CDK5RAP2: variants seen among roughly 807,000 people sequenced by gnomAD.
The protein encoded by CDK5RAP2 is CDK5 regulatory subunit-associated protein 2.
In CDK5RAP2, 147 loss-of-function variants were observed where a neutral mutation model predicts 232.9. That is an observed-to-expected ratio of 0.63 (90% CI 0.55 to 0.72). The LOEUF (loss-of-function observed/expected upper bound fraction) is 0.72, where lower values mean the gene tolerates loss of function less well. CDK5RAP2 is among the 30% of genes least tolerant of loss of function. The pLI is 0.00. For missense variants in CDK5RAP2, 2,195 were observed against 2,231.5 expected (o/e 0.98, Z 0.33); for synonymous variants, 833 against 833.7 (o/e 1.00, Z 0.01).
chr9:120,468,475 G>A (rs1793806614), intron 17 of CDK5RAP2, among the ~76,000 whole-genome samples: 2 of 152,208 alleles, frequency 1.3e-5, no homozygotes, highest in Admixed American at 1.3e-4. Flanking sequence ...ACACCTATCT[G>A]GCAATGCCAG....
At chr9:120,392,941 C>T (rs2032126946) in intron 36 of CDK5RAP2, among the ~76,000 whole-genome samples, 1 of 152,206 alleles carries the variant, frequency 6.6e-6, no homozygotes, top group African/African-American at 2.4e-5. Context: ...CCCGCCGGTC[C>T]CTGCTGCTCG....
At chr9:120,413,247 A>ACTTC (rs112535830) in intron 28 of CDK5RAP2, among the ~76,000 whole-genome samples, 7 of 152,334 alleles carry the variant, frequency 4.6e-5, no homozygotes, top group African/African-American at 1.7e-4. Context: ...AGTGAGATCC[A>ACTTC]CTTCCGATGC....
chr9:120,576,572 C>T (rs1236271771), intron 1 of CDK5RAP2, among the ~76,000 whole-genome samples: 1 of 152,052 alleles, frequency 6.6e-6, no homozygotes, highest in Non-Finnish European at 1.5e-5. Flanking sequence ...CATGGTGGCA[C>T]GTGCCTGTAG....
intron 2 of CDK5RAP2, among the ~76,000 whole-genome samples, 159 bp from the exon 3 acceptor site, chr9:120,568,547 G>A (rs1371663603): frequency 6.6e-6 from 1 of 152,142 alleles, no homozygotes; most frequent in Non-Finnish European, 1.5e-5. Flanking sequence ...TTGCTCCAGG[G>A]AAAGCTCTAA....
intron 21 of CDK5RAP2, among the ~76,000 whole-genome samples, chr9:120,451,851 TTATA>T (rs1399705515): frequency 6.8e-6 from 1 of 147,762 alleles, no homozygotes; most frequent in African/African-American, 2.5e-5. Flanking sequence ...TTAAATGAGA[TTATA>T]TATATTATAT....
In CDK5RAP2 at chr9:120,530,021, C is replaced by T; in HGVS notation, c.782G>A (p.Gly261Glu). 1 of 1,614,038 alleles carries T rather than the reference C, an allele frequency of 6.2e-7. No individual in the cohort carries two copies. Among genetic ancestry groups the T allele is most frequent in the African/African-American group, 1.3e-5 (1 of 75,042 alleles). ...DENVSSGELRGLCAAPREEKE... is the reference protein window; with the variant it reads ...DENVSSGELRELCAAPREEKE... ...TTCTTCCCTTGGAGCAGCACAAAGT[C>T]CTCGGAGCTCTCCAGATGACACATT... Residue 261 changes from glycine to glutamate, a missense_variant, in exon 8 of 38, where the codon GGA (glycine) becomes GAA (glutamate). Physicochemically the swap from Gly to Glu is moderately conservative, Grantham distance 98 (BLOSUM62 -2). Coordinates refer to ENST00000349780, the MANE Select transcript of CDK5RAP2 (RefSeq NM_018249.6).
At chr9:120,559,488 C>CAAAAAAAAAAAAAA (rs558274119) in intron 3 of CDK5RAP2, among the ~76,000 whole-genome samples, 1 of 48,882 alleles carries the variant, frequency 2.0e-5, no homozygotes, top group Admixed American at 2.5e-4. Context: ...GACTCTGTCT[C>CAAAAAAAAAAAAAA]AAAAAAAAAA....
intron 12 of CDK5RAP2, among the ~76,000 whole-genome samples, chr9:120,518,165 C>CTGTGTGTGTGTGTGTG (rs56032707): frequency 1.1e-4 from 12 of 111,180 alleles, no homozygotes; most frequent in African/African-American, 2.0e-4. Flanking sequence ...GATAACAACT[C>CTGTGTGTGTGTGTGTG]TGTGTGTGTG....
intron 26 of CDK5RAP2, among the ~76,000 whole-genome samples, chr9:120,421,900 T>C (rs368148112): frequency 7.7e-4 from 118 of 152,324 alleles, no homozygotes; most frequent in Middle Eastern, 3.4e-3. Flanking sequence ...TAATGGCAAA[T>C]ATGCAACTCT....
chr9:120,560,538 A>C (rs1335157491), intron 3 of CDK5RAP2, among the ~76,000 whole-genome samples: 1 of 152,210 alleles, frequency 6.6e-6, no homozygotes, highest in Non-Finnish European at 1.5e-5. Flanking sequence ...ACAGTATGGC[A>C]TCTTTCCTCC....
rs549831185 is a variant in CDK5RAP2 at position 120,395,455 on chromosome 9, G to C, written c.5452-817C>G. ...TGGTTTTCCAGAGTAAACTCTGGAT[G>C]GGTGGCAAAACCAGAGTCCCCAGTG... is the stretch of plus-strand genomic sequence containing the variant. On this transcript the variant is annotated intron_variant, in intron 35 of 37. Transcript: ENST00000349780. 4.7e-4 allele frequency among the ~76,000 whole-genome samples: 72 copies of C among 152,374 alleles called. 1 individual carries two copies. The highest frequency in any genetic ancestry group is 1.6e-3 in the African/African-American group (66 of 41,588).
At chr9:120,519,004 G>C (rs974982966) in intron 11 of CDK5RAP2, among the ~76,000 whole-genome samples, 1 of 151,790 alleles carries the variant, frequency 6.6e-6, no homozygotes, top group Non-Finnish European at 1.5e-5. Flanking sequence ...GTGAAACCCC[G>C]TCTCTACTAA....
intron 25 of CDK5RAP2, among the ~76,000 whole-genome samples, chr9:120,430,394 T>A (rs1171478694): frequency 6.7e-6 from 1 of 149,796 alleles, no homozygotes; most frequent in Non-Finnish European, 1.5e-5. Flanking sequence ...GAATCTACAA[T>A]GAACTCAAAC....
At chr9:120,543,328 ACT>A (rs1289377650) in intron 5 of CDK5RAP2, among the ~76,000 whole-genome samples, 1 of 151,840 alleles carries the variant, frequency 6.6e-6, no homozygotes, top group Non-Finnish European at 1.5e-5. Context: ...CAAATACAGA[ACT>A]CTGATTGTGT....
rs764085167 is a variant in CDK5RAP2, at chr9:120,394,580, T to G, written c.5510A>C (p.Lys1837Thr). 4 of 1,614,176 alleles carry G rather than the reference T, an allele frequency of 2.5e-6. No homozygotes were observed. The Admixed American group carries it at 6.7e-5, about 27-fold the overall frequency. ...KLHKKLFEQE[K>T]KLQNTMKLLQ... The stretch of plus-strand genomic sequence containing the variant: ...AAGCTTCATGGTGTTTTGCAACTTC[T>G]TTTCTTGTTCAAACAATTTTTTATG... The change falls in exon 36 of 38, where the codon AAG becomes ACG. Residue 1837 changes from lysine (K) to threonine (T), a missense_variant. Transcript: ENST00000349780.
At chr9:120,488,625 T>G (rs2038735238) in intron 13 of CDK5RAP2, among the ~76,000 whole-genome samples, 1 of 152,256 alleles carries the variant, frequency 6.6e-6, no homozygotes, top group Non-Finnish European at 1.5e-5. Context: ...TTCTACCTAC[T>G]GGCTCCTGCC....
intron 11 of CDK5RAP2, among the ~76,000 whole-genome samples, chr9:120,522,194 A>G (rs2040697890): frequency 6.6e-6 from 1 of 152,252 alleles, no homozygotes; most frequent in South Asian, 2.1e-4. Flanking sequence ...TCAACTGCTA[A>G]AAATCTGAAT....
At chr9:120,514,315 G>A (rs1159145302) in intron 12 of CDK5RAP2, among the ~76,000 whole-genome samples, 1 of 151,980 alleles carries the variant, frequency 6.6e-6, no homozygotes, top group Non-Finnish European at 1.5e-5. Flanking sequence ...CTGGGTACCC[G>A]CTCATCCCCT....
At chr9:120,463,805 G>A (rs1001601781) in intron 18 of CDK5RAP2, among the ~76,000 whole-genome samples, 2 of 152,090 alleles carry the variant, frequency 1.3e-5, no homozygotes, top group Admixed American at 6.5e-5. Context: ...GTAAACTCTC[G>A]GTTTCCAGGA....
Sources: gnomAD v4.1 joint callset for allele counts (sites outside exome capture counted in the v4.1 genomes callset) on GRCh38, gnomAD v4.1.1 for gene constraint, MANE v1.5 for transcripts, NCBI Gene and HGNC (gene_info 2026-07-23, HGNC 2026-07-21) for gene names.